The following MYRIP variants were observed in gnomAD, a reference collection of about 807,000 sequenced individuals.
The protein encoded by MYRIP is myosin VIIA and Rab interacting protein, also known as rab effector MyRIP.
In MYRIP, 49 loss-of-function variants were observed where a neutral mutation model predicts 98.0. That is an observed-to-expected ratio of 0.50 (90% CI 0.40 to 0.63). MYRIP has a LOEUF of 0.63. Ranked by LOEUF, MYRIP falls within the 30% of genes least tolerant of loss-of-function variation. MYRIP has a pLI of 0.00. For synonymous variants in MYRIP, 404 were observed against 409.5 expected, an observed-to-expected ratio of 0.99 and a Z score of 0.16; for missense variants, 1,004 against 1,058.2, an observed-to-expected ratio of 0.95 and a Z score of 0.71.
chr3:39,963,615 T>G (rs115976247), intron 2 of MYRIP, among the ~76,000 whole-genome samples: 1,698 of 152,226 alleles, frequency 0.011, 30 homozygotes, highest in African/African-American at 0.039. Flanking sequence ...TATTTAAACA[T>G]AATACTATGA....
At chr3:39,910,613 A>G (rs1943998526) in intron 2 of MYRIP, among the ~76,000 whole-genome samples, 1 of 152,262 alleles carries the variant, frequency 6.6e-6, no homozygotes, top group Non-Finnish European at 1.5e-5. Flanking sequence ...TCAAGTATAA[A>G]AAATGTAAAA....
intron 2 of MYRIP, among the ~76,000 whole-genome samples, chr3:39,915,116 A>G (rs1391121953): frequency 6.6e-6 from 1 of 152,098 alleles, no homozygotes; most frequent in African/African-American, 2.4e-5. Context: ...CTCCCCTGGA[A>G]CTTCTTAGCA....
At chr3:39,815,234 C>T (rs1027148787) in intron 1 of MYRIP, among the ~76,000 whole-genome samples, 1 of 152,136 alleles carries the variant, frequency 6.6e-6, no homozygotes, top group Non-Finnish European at 1.5e-5. Flanking sequence ...TAAGTCTATA[C>T]ATTTGCCCAT....
At chr3:40,007,639 G>T (rs1946663598) in intron 2 of MYRIP, among the ~76,000 whole-genome samples, 1 of 152,192 alleles carries the variant, frequency 6.6e-6, no homozygotes, top group Non-Finnish European at 1.5e-5. Flanking sequence ...ACTACAGTGG[G>T]TTCTCCAGAG....
Position 40,044,074 on chromosome 3 carries a change from G to A in MYRIP, c.135G>A (p.Glu45=). Residue 45 remains glutamate, a synonymous_variant, in exon 3 of 17, where the codon GAG becomes GAA. Transcript: ENST00000302541. ...RLSELKQKLD[E]EGSKCSILSK... ...GTGAGCTGAAGCAGAAGCTGGATGA[G>A]GAAGGCAGCAAGTGCAGCATCCTCT... is the stretch of plus-strand genomic sequence containing the variant. The A allele has an allele frequency of 6.2e-7, 1 of 1,613,960 alleles. No individual in the cohort carries two copies. Among genetic ancestry groups the A allele is most frequent in the East Asian group, 2.2e-5 (1 of 44,810 alleles).
At chr3:40,189,609 C>T (rs1951143405) in intron 9 of MYRIP, among the ~76,000 whole-genome samples, 2 of 152,210 alleles carry the variant, frequency 1.3e-5, no homozygotes, top group Admixed American at 1.3e-4. Flanking sequence ...AGTTTCTCTG[C>T]ATCTGTGAAG....
At chr3:40,038,742 A>G (rs923986696) in intron 2 of MYRIP, among the ~76,000 whole-genome samples, 7 of 152,122 alleles carry the variant, frequency 4.6e-5, no homozygotes, top group African/African-American at 1.2e-4. Context: ...GAGGGAACAA[A>G]GGGGCAGGGG....
chr3:39,821,606 CTAAG>C (rs1354921438), intron 1 of MYRIP, among the ~76,000 whole-genome samples: 2 of 151,930 alleles, frequency 1.3e-5, no homozygotes, highest in Non-Finnish European at 2.9e-5. Flanking sequence ...AAATTTTTCT[CTAAG>C]TATTGCTTCA....
intron 2 of MYRIP, among the ~76,000 whole-genome samples, chr3:39,928,223 C>T (rs921484762): frequency 6.6e-6 from 1 of 151,888 alleles, no homozygotes; most frequent in Non-Finnish European, 1.5e-5. Flanking sequence ...GATCCAGTGG[C>T]TTCACTGGAA....
At chr3:40,026,702 T>G (rs1947138253) in intron 2 of MYRIP, among the ~76,000 whole-genome samples, 1 of 152,154 alleles carries the variant, frequency 6.6e-6, no homozygotes, top group Admixed American at 6.5e-5. Flanking sequence ...TCTGCAACAG[T>G]CTGGCTCCTG....
chr3:40,072,585 A>G (rs939301810), intron 3 of MYRIP, among the ~76,000 whole-genome samples: 11 of 152,092 alleles, frequency 7.2e-5, no homozygotes, highest in African/African-American at 2.4e-5. Context: ...TTTTATTGTC[A>G]CTCAATTCAA....
At chr3:39,991,200 G>C (rs1946166746) in intron 2 of MYRIP, among the ~76,000 whole-genome samples, 1 of 152,202 alleles carries the variant, frequency 6.6e-6, no homozygotes, top group African/African-American at 2.4e-5. Context: ...ATTGGTCTAA[G>C]TGTCTGCCTC....
At chr3:39,820,843 C>T (rs1320439187) in intron 1 of MYRIP, among the ~76,000 whole-genome samples, 2 of 152,092 alleles carry the variant, frequency 1.3e-5, no homozygotes, top group African/African-American at 4.8e-5. Flanking sequence ...CTGAGATCCC[C>T]TAAAGGCTCC....
chr3:40,193,453 T>C (rs557183074), intron 10 of MYRIP, among the ~76,000 whole-genome samples: 1 of 152,322 alleles, frequency 6.6e-6, no homozygotes, highest in Non-Finnish European at 1.5e-5. Flanking sequence ...TTAAAGACTT[T>C]TTCAATATCT....
intron 2 of MYRIP, among the ~76,000 whole-genome samples, chr3:39,946,048 C>CA (rs1944893724): frequency 6.6e-6 from 1 of 151,466 alleles, no homozygotes; most frequent in Admixed American, 6.6e-5. Context: ...TCTGAATAAC[C>CA]AAAAAAATAG....
Position 40,023,963 on chromosome 3 carries a change from G to A in MYRIP, c.111-20087G>A, listed in dbSNP as rs181316323. 8.5e-5 allele frequency among the ~76,000 whole-genome samples: 13 copies of A among 152,270 alleles called. No homozygotes were observed. The East Asian group carries it at 2.5e-3, about 29-fold the overall frequency. ...TGTGACTTTTTTGATGATTAATAAA[G>A]ATTTAGGGCACAGTTTTCTCTAAGA... is the stretch of plus-strand genomic sequence containing the variant. On this transcript the variant is annotated intron_variant, in intron 2 of 16. Coordinates refer to ENST00000302541, the MANE Select transcript of MYRIP (RefSeq NM_015460.4).
At chr3:40,250,590 T>G in intron 15 of MYRIP, 91 bp downstream of exon 15, 1 of 1,404,428 alleles carries the variant, frequency 7.1e-7, no homozygotes, top group South Asian at 1.2e-5. Context: ...GAGAATTAGA[T>G]CTAATGGAGT....
chr3:40,114,742 G>T (rs1337866881), intron 3 of MYRIP, among the ~76,000 whole-genome samples: 4 of 152,228 alleles, frequency 2.6e-5, no homozygotes, highest in African/African-American at 7.2e-5. Flanking sequence ...GTAGTTCAGT[G>T]TTAACAGGAA....
chr3:39,930,705 G>A (rs1944519848), intron 2 of MYRIP, among the ~76,000 whole-genome samples: 2 of 151,956 alleles, frequency 1.3e-5, no homozygotes, highest in Non-Finnish European at 2.9e-5. Context: ...TTTTGTATAT[G>A]AAGTAAAATA....
Sources: gnomAD v4.1 joint callset for allele counts (sites outside exome capture counted in the v4.1 genomes callset) on GRCh38, gnomAD v4.1.1 for gene constraint, MANE v1.5 for transcripts, NCBI Gene and HGNC (gene_info 2026-07-23, HGNC 2026-07-21) for gene names.